TTC39A: variants seen among roughly 807,000 people sequenced by gnomAD.
TTC39A encodes tetratricopeptide repeat protein 39A.
In TTC39A, 46 loss-of-function variants were observed where a neutral mutation model predicts 82.3. The ratio of observed to expected loss-of-function variants is 0.56; its 90% CI spans 0.44 to 0.71. The LOEUF (loss-of-function observed/expected upper bound fraction) is 0.71. Ranked by LOEUF, TTC39A falls within the 30% of genes least tolerant of loss-of-function variation. TTC39A has a pLI of 0.00. For synonymous variants in TTC39A, 254 were observed against 275.2 expected, an observed-to-expected ratio of 0.92 and a Z score of 0.76; for missense variants, 543 against 712.9, an observed-to-expected ratio of 0.76 and a Z score of 2.71.
chr1:51,335,890 T>G (rs898054934), upstream of TTC39A, among the ~76,000 whole-genome samples: 1 of 152,082 alleles, frequency 6.6e-6, no homozygotes, highest in Non-Finnish European at 1.5e-5. Context: ...AGTTTTCCCA[T>G]CTATAAACCT....
intron 8 of TTC39A, among the ~76,000 whole-genome samples, chr1:51,304,076 A>G (rs972807083): frequency 3.3e-5 from 5 of 152,144 alleles, no homozygotes; most frequent in African/African-American, 1.2e-4. Context: ...AGAAATCCCC[A>G]GTCCTTTGCT....
rs376854734 is a variant in TTC39A, at chr1:51,290,574, G to C, written c.1318C>G (p.Leu440Val). The C allele has an allele frequency of 9.3e-6, 15 of 1,613,874 alleles. No homozygotes were observed. The African/African-American group carries it at 1.9e-4, about 20-fold the overall frequency. ...GYAVIGKQPK[L>V]TDGILEIITK... is the part of the protein sequence containing the mutation. ...ATAATCTCAAGTATCCCATCCGTGA[G>C]TTTCGGCTGCTTCCCAATCACGGCG... The change falls in exon 15 of 18, where the codon CTC becomes GTC. Residue 440 changes from leucine (L) to valine (V), a missense_variant. Transcript: ENST00000680483.
chr1:51,317,809 C>G (rs563369255), intron 2 of TTC39A, among the ~76,000 whole-genome samples: 1 of 152,244 alleles, frequency 6.6e-6, no homozygotes, highest in African/African-American at 2.4e-5. Flanking sequence ...TGGAATAAGG[C>G]AGGGGCTAAG....
rs1389498390 is a variant in TTC39A, at chr1:51,323,444, C to T, written c.42-1619G>A. Among the ~76,000 whole-genome samples, 4 of 152,294 alleles carry T rather than the reference C, an allele frequency of 2.6e-5. No individual in the cohort carries two copies. The East Asian group carries it at 7.7e-4, about 29-fold the overall frequency. On this transcript the variant is annotated intron_variant, in intron 1 of 17. Coordinates refer to ENST00000680483, the MANE Select transcript of TTC39A (RefSeq NM_001297663.2). ...TCTCTCAATCAACCCCTTCTATGCC[C>T]AATACCTTCTGGTCCAGGCCAGCAC...
At chr1:51,317,844 C>T (rs936407215) in intron 2 of TTC39A, among the ~76,000 whole-genome samples, 1 of 152,180 alleles carries the variant, frequency 6.6e-6, no homozygotes, top group Non-Finnish European at 1.5e-5. Context: ...CTACTTCCCA[C>T]GTGAGATAAC....
chr1:51,312,938 T>G lies in TTC39A; in HGVS notation c.152A>C (p.Lys51Thr). 1 of 1,613,356 alleles carries G rather than the reference T, an allele frequency of 6.2e-7. No individual in the cohort carries two copies. Among genetic ancestry groups the G allele is most frequent in the Non-Finnish European group, 8.5e-7 (1 of 1,179,460 alleles). ...TGTCAGTGAGTGGTACATGCTTTCC[T>G]TGGTTCTGCCAAAGAGAAGAGACGT... is the stretch of plus-strand genomic sequence containing the variant. ...EALSYLKPRT[K>T]ESMYHSLTYA... Residue 51 changes from lysine to threonine, a missense_variant, in exon 3 of 18, where the codon AAG becomes ACG. Physicochemically the swap from Lys to Thr is moderately conservative, Grantham distance 78. Transcript: ENST00000680483.
intron 12 of TTC39A, chr1:51,297,206 C>G (rs1644467325): frequency 6.6e-6 from 1 of 151,914 alleles, no homozygotes; most frequent in African/African-American, 2.4e-5. Flanking sequence ...GAAATCTGTT[C>G]CCGGTCCCAT....
upstream of TTC39A, chr1:51,330,597 C>T (rs949611435): frequency 3.1e-6 from 3 of 982,844 alleles, no homozygotes; most frequent in Admixed American, 1.3e-4. This position sits in a 1 kb window ranked among gnomAD's most constrained non-coding sequence, Gnocchi z 4.5. Flanking sequence ...GAGGGGCGCG[C>T]CGGGGGCGGG....
chr1:51,312,989 A>G (rs375325558), intron 2 of TTC39A, 46 bp from the exon 3 acceptor site: 64 of 1,590,360 alleles, frequency 4.0e-5, no homozygotes, highest in Non-Finnish European at 4.6e-5. Context: ...ATAGAGCCCC[A>G]GAGGCAGCTG....
intron 14 of TTC39A, among the ~76,000 whole-genome samples, chr1:51,292,891 C>T (rs1251956207): frequency 6.6e-6 from 1 of 152,126 alleles, no homozygotes; most frequent in Non-Finnish European, 1.5e-5. Context: ...AGTATATAAA[C>T]TGTGTTTAGG....
chr1:51,341,606 G>A (rs1646037917), intron 1 of TTC39A, among the ~76,000 whole-genome samples: 1 of 152,076 alleles, frequency 6.6e-6, no homozygotes, highest in South Asian at 2.1e-4. Context: ...GAGGATCTGA[G>A]GGACCACAAT....
rs376577829 is a variant in TTC39A, at chr1:51,301,584, G to A, written c.1041C>T (p.Asn347=). The A allele has an allele frequency of 1.2e-4, 190 of 1,608,612 alleles. No individual in the cohort carries two copies. Among genetic ancestry groups the A allele is most frequent in the Non-Finnish European group, 1.5e-4 (179 of 1,176,972 alleles). The change falls in exon 12 of 18, where the codon AAC becomes AAT. Residue 347 remains asparagine, a synonymous_variant. Coordinates refer to ENST00000680483, the MANE Select transcript of TTC39A (RefSeq NM_001297663.2). Reference sequence around the variant, plus strand: ...GGCATCAGCCCACCTTGGACCAGCAGTTCTCCTTGCTGAGCAGGTCGGCGT... The same window carrying A: ...GGCATCAGCCCACCTTGGACCAGCAATTCTCCTTGCTGAGCAGGTCGGCGT... The part of the protein sequence containing the change: ...YFYADLLSKE[N]CWSKATYIYM...
intron 14 of TTC39A, among the ~76,000 whole-genome samples, chr1:51,292,963 G>A (rs1569762820): frequency 6.6e-6 from 1 of 152,154 alleles, no homozygotes; most frequent in Non-Finnish European, 1.5e-5. Context: ...GTATTTTGCA[G>A]ATTACAGTTT....
intron 1 of TTC39A, among the ~76,000 whole-genome samples, chr1:51,324,546 G>A (rs1486345598): frequency 6.6e-6 from 1 of 152,046 alleles, no homozygotes; most frequent in Non-Finnish European, 1.5e-5. Context: ...ATTGAGGAGA[G>A]GGTGTCTCTC....
At chr1:51,333,453 G>T (rs1645937789), upstream of TTC39A, among the ~76,000 whole-genome samples, 1 of 152,236 alleles carries the variant, frequency 6.6e-6, no homozygotes, top group African/African-American at 2.4e-5. Flanking sequence ...CAGAGCCTTG[G>T]CAGGGGCCAG....
chr1:51,341,556 G>A (rs559960895), intron 1 of TTC39A, among the ~76,000 whole-genome samples: 1 of 152,258 alleles, frequency 6.6e-6, no homozygotes, highest in Admixed American at 6.5e-5. Context: ...GTGGGACAAA[G>A]GTTGCTTGAA....
At chr1:51,295,987 T>TG in intron 13 of TTC39A, 92 bp downstream of exon 13, 1 of 1,416,564 alleles carries the variant, frequency 7.1e-7, no homozygotes, top group Non-Finnish European at 9.8e-7. Flanking sequence ...CCCTCCCCAG[T>TG]GCCCACAGCT....
At chr1:51,327,370 T>C (rs912237476) in intron 1 of TTC39A, among the ~76,000 whole-genome samples, 2 of 152,218 alleles carry the variant, frequency 1.3e-5, no homozygotes, top group African/African-American at 4.8e-5. Flanking sequence ...TCTTTCTAAA[T>C]TGCAAAAATG....
At chr1:51,307,008 A>G (rs536606216) in intron 6 of TTC39A, among the ~76,000 whole-genome samples, 2 of 152,130 alleles carry the variant, frequency 1.3e-5, no homozygotes, top group East Asian at 3.9e-4. Context: ...CCGGTGCAGA[A>G]AGTGTTTCTG....
Sources: allele counts gnomAD v4.1 joint callset (sites outside exome capture counted in the v4.1 genomes callset), GRCh38; gene constraint gnomAD v4.1.1; non-coding constraint Gnocchi (gnomAD v3.1); transcripts MANE v1.5; gene names NCBI Gene and HGNC (gene_info 2026-07-23, HGNC 2026-07-21).